The following TCEA1 variants were observed in gnomAD, a reference collection of about 807,000 sequenced individuals.
TCEA1 encodes transcription elongation factor A protein 1.
A neutral mutation model predicts 43.8 loss-of-function variants in TCEA1; 21 were observed. The observed-to-expected ratio is 0.48, with a 90% confidence interval of 0.34 to 0.69. The LOEUF (loss-of-function observed/expected upper bound fraction) is 0.69. Ranked by LOEUF, TCEA1 falls within the 30% of genes least tolerant of loss-of-function variation. TCEA1 has a pLI of 0.01. For synonymous variants in TCEA1, 104 were observed against 117.5 expected (o/e 0.88, Z 0.75); for missense variants, 250 against 365.1 (o/e 0.68, Z 2.57).
intron 8 of TCEA1, chr8:53,972,983 A>G: frequency 1.5e-6 from 1 of 667,384 alleles, no homozygotes; most frequent in Admixed American, 1.9e-5. Flanking sequence ...TCAATGGTGG[A>G]AATCACTTGG....
At chr8:54,014,362 A>G (rs1563518259) in intron 1 of TCEA1, among the ~76,000 whole-genome samples, 1 of 151,996 alleles carries the variant, frequency 6.6e-6, no homozygotes, top group Non-Finnish European at 1.5e-5. Context: ...TAATCCCAGC[A>G]CTCTGGGAGG....
chr8:53,991,165 G>A (rs1803863184), intron 4 of TCEA1, among the ~76,000 whole-genome samples: 1 of 152,098 alleles, frequency 6.6e-6, no homozygotes, highest in Non-Finnish European at 1.5e-5. Context: ...GGCCAAGGTG[G>A]GTGGATCACT....
At chr8:53,976,911 G>A (rs1792516209) in intron 8 of TCEA1, among the ~76,000 whole-genome samples, 1 of 152,136 alleles carries the variant, frequency 6.6e-6, no homozygotes, top group African/African-American at 2.4e-5. Flanking sequence ...GCTTCAAACA[G>A]GTAAAGGACT....
At chr8:54,010,734 A>C (rs1249641571) in intron 1 of TCEA1, among the ~76,000 whole-genome samples, 1 of 152,208 alleles carries the variant, frequency 6.6e-6, no homozygotes, top group Non-Finnish European at 1.5e-5. Flanking sequence ...TACTTAATGT[A>C]CTATATCTGG....
At chr8:53,968,753 C>T (rs901592941) in intron 9 of TCEA1, among the ~76,000 whole-genome samples, 6 of 152,056 alleles carry the variant, frequency 3.9e-5, no homozygotes, top group East Asian at 1.9e-4. Flanking sequence ...CTCTTGAACC[C>T]GGGGCCACAG....
intron 7 of TCEA1, among the ~76,000 whole-genome samples, chr8:53,984,091 ACT>A (rs1313996469): frequency 6.6e-6 from 1 of 152,088 alleles, no homozygotes; most frequent in East Asian, 1.9e-4. Context: ...CAAAAGCAAA[ACT>A]CTGTCTCGAA....
At chr8:54,020,506 T>C (rs189427729) in intron 1 of TCEA1, among the ~76,000 whole-genome samples, 10 of 152,292 alleles carry the variant, frequency 6.6e-5, no homozygotes, top group Non-Finnish European at 1.3e-4. Flanking sequence ...ACAGAGGATG[T>C]TTGAAGTCTT....
chr8:54,002,406 T>C (rs1804298165), intron 2 of TCEA1, among the ~76,000 whole-genome samples: 1 of 151,116 alleles, frequency 6.6e-6, no homozygotes, highest in Non-Finnish European at 1.5e-5. Flanking sequence ...GAGGTAGAGG[T>C]TGCAGTGAGC....
chr8:54,021,530 T>C (rs1417689940), intron 1 of TCEA1: 5 of 152,020 alleles, frequency 3.3e-5, no homozygotes, highest in South Asian at 2.1e-4. Flanking sequence ...CTTTACCTTT[T>C]TAATCGCTAA....
chr8:53,985,729 C>T (rs1418096045), intron 6 of TCEA1, among the ~76,000 whole-genome samples: 11 of 152,180 alleles, frequency 7.2e-5, no homozygotes, highest in Admixed American at 7.2e-4. Context: ...CACACAGTAC[C>T]CCTCTCCTGG....
chr8:54,007,766 T>C (rs1380774809), intron 2 of TCEA1, among the ~76,000 whole-genome samples: 1 of 152,160 alleles, frequency 6.6e-6, no homozygotes, highest in African/African-American at 2.4e-5. Context: ...AATAGAAATA[T>C]CAAAGAAAGC....
In TCEA1 at chr8:54,000,047, T is replaced by C. The variant is rs1221033268; in HGVS notation, c.130A>G (p.Thr44Ala). ...IPMTLELLQSTRIGMSVNAIR... is the reference protein window; with the variant it reads ...IPMTLELLQSARIGMSVNAIR... ...GCATTAACTGACATTCCGATTCTTGTGGACTGCAAGGCAATAACAAAAAAA... is the reference window on the plus strand; with the variant it reads ...GCATTAACTGACATTCCGATTCTTGCGGACTGCAAGGCAATAACAAAAAAA... Residue 44 changes from threonine to alanine, a missense_variant, in exon 3 of 10, where the codon ACA (threonine) becomes GCA (alanine). Physicochemically the swap from Thr to Ala is moderately conservative, Grantham distance 58 (BLOSUM62 0). Around this residue, in one of 4 missense-constraint regions of TCEA1, gnomAD observed 27 missense variants for 63.1 expected, o/e 0.43. Coordinates refer to ENST00000521604, the MANE Select transcript of TCEA1 (RefSeq NM_006756.4). 2 of 1,568,948 alleles carry C rather than the reference T, an allele frequency of 1.3e-6. No homozygotes were observed. Among genetic ancestry groups the C allele is most frequent in the East Asian group, 2.3e-5 (1 of 43,832 alleles).
chr8:54,005,863 A>C (rs577483236), intron 2 of TCEA1, among the ~76,000 whole-genome samples: 1 of 152,278 alleles, frequency 6.6e-6, no homozygotes, highest in African/African-American at 2.4e-5. Context: ...TCTCAGCATC[A>C]CATATGAAGC....
chr8:54,010,881 G>A (rs753877961), intron 1 of TCEA1, among the ~76,000 whole-genome samples: 9 of 151,734 alleles, frequency 5.9e-5, no homozygotes, highest in Admixed American at 3.9e-4. Context: ...TGTGATCTCG[G>A]CTCACTGCAA....
chr8:54,016,928 C>T (rs1451382223), intron 1 of TCEA1, among the ~76,000 whole-genome samples: 1 of 144,372 alleles, frequency 6.9e-6, no homozygotes, highest in Non-Finnish European at 1.5e-5. Context: ...GAGCCGAGAT[C>T]GCGCCACTGC....
At chr8:53,993,578 G>C in intron 4 of TCEA1, 90 bp downstream of exon 4, 3 of 986,310 alleles carry the variant, frequency 3.0e-6, no homozygotes, top group Admixed American at 2.4e-5. Context: ...AAAAAAAGGA[G>C]TGTAAATAGG....
At chr8:53,990,317 A>C (rs1242271828) in intron 4 of TCEA1, among the ~76,000 whole-genome samples, 1 of 151,194 alleles carries the variant, frequency 6.6e-6, no homozygotes, top group Non-Finnish European at 1.5e-5. Context: ...GGCGTCCTAA[A>C]GTGCTTGAGC....
intron 9 of TCEA1, among the ~76,000 whole-genome samples, chr8:53,969,520 A>C (rs1233225062): frequency 1.3e-5 from 2 of 152,172 alleles, no homozygotes; most frequent in African/African-American, 4.8e-5. Context: ...ATCTTGTACA[A>C]ACTTCAGAAA....
At chr8:53,972,845 T>C in intron 8 of TCEA1, 1 of 720,530 alleles carries the variant, frequency 1.4e-6, no homozygotes, top group South Asian at 1.4e-5. Context: ...AAAGTAGTTG[T>C]TCTTTCACAG....
Sources: gnomAD v4.1 joint callset for allele counts (sites outside exome capture counted in the v4.1 genomes callset) on GRCh38, gnomAD v4.1.1 for gene constraint, gnomAD v4.1.1 regional missense constraint, MANE v1.5 for transcripts, NCBI Gene and HGNC (gene_info 2026-07-23, HGNC 2026-07-21) for gene names.